The following AGAP1 variants were observed in gnomAD, a reference collection of about 807,000 sequenced individuals.
AGAP1 encodes arf-GAP with GTPase, ANK repeat and PH domain-containing protein 1.
In AGAP1, 29 loss-of-function variants were observed where a neutral mutation model predicts 105.3. The ratio of observed to expected loss-of-function variants is 0.28; its 90% CI spans 0.21 to 0.38. AGAP1 has a LOEUF of 0.38. Ranked by LOEUF, AGAP1 falls within the 10% of genes least tolerant of loss-of-function variation. The probability of loss-of-function intolerance (pLI) is 1.00; values close to 1 mark genes in which losing one functional copy is unlikely to be tolerated. For missense variants in AGAP1, 998 were observed against 1,165.1 expected, an observed-to-expected ratio of 0.86 and a Z score of 2.09; for synonymous variants, 509 against 485.9, an observed-to-expected ratio of 1.05 and a Z score of -0.63.
At chr2:235,579,481 A>G (rs539891241) in intron 1 of AGAP1, among the ~76,000 whole-genome samples, 2 of 152,304 alleles carry the variant, frequency 1.3e-5, no homozygotes, top group East Asian at 3.9e-4. Flanking sequence ...TAAGCATTTA[A>G]AAGTGAACAC....
chr2:235,815,002 C>G (rs969054226), intron 9 of AGAP1, among the ~76,000 whole-genome samples: 1 of 152,162 alleles, frequency 6.6e-6, no homozygotes, highest in African/African-American at 2.4e-5. Flanking sequence ...GATGGGGGTT[C>G]TGATGTACCA....
In AGAP1 at chr2:236,000,462, G is replaced by C. The variant is rs540817956; in HGVS notation, c.1645+31839G>C. Among the ~76,000 whole-genome samples, 1 of 152,260 alleles carries C rather than the reference G, an allele frequency of 6.6e-6. No homozygotes were observed. The highest frequency in any genetic ancestry group is 2.1e-4 in the South Asian group (1 of 4,830). On this transcript the variant is annotated intron_variant, in intron 13 of 17. Coordinates refer to ENST00000304032, the MANE Select transcript of AGAP1 (RefSeq NM_001037131.3). This position sits in a 1 kb window ranked among gnomAD's most constrained non-coding sequence, Gnocchi z 4.3. ...AATAAACAGTTGTTCAGAGACAGTG[G>C]TACTGCGTCCCCCTCCTCCAGTCCA...
chr2:235,795,144 A>G (rs540773732), intron 6 of AGAP1, among the ~76,000 whole-genome samples: 1 of 152,244 alleles, frequency 6.6e-6, no homozygotes, highest in East Asian at 1.9e-4. Context: ...TCCTCCACTC[A>G]CATAGACACA....
At chr2:236,122,362 G>T (rs2059920329) in intron 17 of AGAP1, among the ~76,000 whole-genome samples, 1 of 152,076 alleles carries the variant, frequency 6.6e-6, no homozygotes, top group Non-Finnish European at 1.5e-5. Context: ...CTGGGTGTCA[G>T]GACTTAAACA....
In AGAP1 at chr2:235,720,187, G is replaced by A. The variant is rs1951309764; in HGVS notation, c.310+2543G>A. 6.6e-6 allele frequency among the ~76,000 whole-genome samples: 1 copy of A among 152,206 alleles called. No homozygotes were observed. Among genetic ancestry groups the A allele is most frequent in the African/African-American group, 2.4e-5 (1 of 41,448 alleles). On this transcript the variant is annotated intron_variant, in intron 3 of 17. Coordinates refer to ENST00000304032, the MANE Select transcript of AGAP1 (RefSeq NM_001037131.3). The surrounding 1 kb of genome is among the most constrained non-coding windows in gnomAD (Gnocchi z 5.0). ...TTTCATACCACGGTCTTGCCATCCT[G>A]AAATTCCCTCTCATGCTCAGGGAGC... is the stretch of plus-strand genomic sequence containing the variant.
intron 9 of AGAP1, chr2:235,852,904 G>T (rs2048536331): frequency 7.5e-7 from 1 of 1,326,250 alleles, no homozygotes; most frequent in Non-Finnish European, 9.7e-7. Context: ...TAGCTTGCAG[G>T]CCGCTGCTGT....
chr2:235,550,685 G>C lies in AGAP1; in HGVS notation c.163+55836G>C, dbSNP rs995043022. Among the ~76,000 whole-genome samples the C allele has an allele frequency of 6.6e-5, 10 of 152,330 alleles. No homozygotes were observed. The highest frequency in any genetic ancestry group is 8.8e-5 in the Non-Finnish European group (6 of 68,032). On this transcript the variant is annotated intron_variant, in intron 1 of 17. Coordinates refer to ENST00000304032, the MANE Select transcript of AGAP1 (RefSeq NM_001037131.3). The surrounding 1 kb of genome is among the most constrained non-coding windows in gnomAD (Gnocchi z 4.6). ...CCACACCTGAGGCGTGGGGATCTCC[G>C]GGCATGATGCGGAATGTAGTGACGA...
intron 13 of AGAP1, among the ~76,000 whole-genome samples, chr2:235,991,824 A>G (rs1277395077): frequency 6.6e-6 from 1 of 152,176 alleles, no homozygotes; most frequent in Admixed American, 6.5e-5. Flanking sequence ...ATTTCTTCTC[A>G]TTGCTCCGAC....
chr2:235,506,888 GT>G (rs1941841592), intron 1 of AGAP1: 1 of 152,572 alleles, frequency 6.6e-6, no homozygotes, highest in Non-Finnish European at 1.5e-5. Context: ...TGCCCACAGG[GT>G]ATGGGCAAGG....
intron 1 of AGAP1, among the ~76,000 whole-genome samples, chr2:235,565,421 C>A (rs1944317364): frequency 6.6e-6 from 1 of 152,216 alleles, no homozygotes; most frequent in Admixed American, 6.5e-5. Context: ...ACAAGTTCAT[C>A]TTAGGGTTCT....
chr2:235,686,410 A>G (rs1422491823), intron 1 of AGAP1, among the ~76,000 whole-genome samples: 3 of 151,780 alleles, frequency 2.0e-5, no homozygotes, highest in Non-Finnish European at 2.9e-5. Flanking sequence ...GTCTCCCAGA[A>G]TAAAAACTCT....
intron 9 of AGAP1, among the ~76,000 whole-genome samples, chr2:235,808,987 TAA>T (rs1462567514): frequency 2.0e-5 from 3 of 152,230 alleles, no homozygotes; most frequent in Admixed American, 1.3e-4. Flanking sequence ...ACTGGAATTA[TAA>T]AAATCAGTTA....
At chr2:235,494,971 A>G (rs1941247941) in intron 1 of AGAP1, 122 bp downstream of exon 1, 2 of 949,602 alleles carry the variant, frequency 2.1e-6, no homozygotes, top group Non-Finnish European at 2.9e-6. Context: ...TGCTCCGCCG[A>G]GGGAGCACTG....
chr2:236,120,067 G>A lies in AGAP1; in HGVS notation c.2115-125G>A. ...TTTCCCCCAGGGGGCTTTGTGCCGA[G>A]TGAAGACCTTTGCTTTCTGTTATTT... On this transcript the variant is annotated intron_variant, in intron 16 of 17. Transcript: ENST00000304032. This position sits in a 1 kb window ranked among gnomAD's most constrained non-coding sequence, Gnocchi z 6.0. 7.3e-7 allele frequency: 1 copy of A among 1,378,102 alleles called. No individual in the cohort carries two copies. The highest frequency in any genetic ancestry group is 9.9e-7 in the Non-Finnish European group (1 of 1,013,526). 85.4% of individuals were successfully genotyped at this position (1,378,102 alleles called of 1,614,324 possible). A position where few individuals can be genotyped will look rare whatever the true frequency, so the allele number is the denominator to read the frequency against.
At chr2:235,945,720 A>T (rs1269619683) in intron 12 of AGAP1, among the ~76,000 whole-genome samples, 1 of 152,100 alleles carries the variant, frequency 6.6e-6, no homozygotes, top group Non-Finnish European at 1.5e-5. Context: ...TGCTATAAAT[A>T]AACACCTGAG....
rs909532764 is a variant in AGAP1 at position 236,035,452 on chromosome 2, C to T, written c.1646-1109C>T. On this transcript the variant is annotated intron_variant, in intron 13 of 17. Coordinates refer to ENST00000304032, the MANE Select transcript of AGAP1 (RefSeq NM_001037131.3). This position sits in a 1 kb window ranked among gnomAD's most constrained non-coding sequence, Gnocchi z 4.2. ...AGTTTGAGACCAGCCTAGGGAGACA[C>T]CATCTCTACAAAAAATGTCTAACAA... Among the ~76,000 whole-genome samples the T allele has an allele frequency of 1.3e-5, 2 of 152,052 alleles. No individual in the cohort carries two copies. Among genetic ancestry groups the T allele is most frequent in the African/African-American group, 4.8e-5 (2 of 41,390 alleles).
intron 1 of AGAP1, among the ~76,000 whole-genome samples, chr2:235,648,350 C>G (rs1330252825): frequency 6.6e-6 from 1 of 152,136 alleles, no homozygotes; most frequent in East Asian, 1.9e-4. Flanking sequence ...TGGGCTAGCT[C>G]CAGTGTTGCA....
chr2:235,580,161 G>T (rs1277382671), intron 1 of AGAP1, among the ~76,000 whole-genome samples: 1 of 152,148 alleles, frequency 6.6e-6, no homozygotes, highest in Non-Finnish European at 1.5e-5. Flanking sequence ...GTTGATGGGC[G>T]TTTGTGTCCA....
At chr2:235,940,770 G>T (rs949973483) in intron 12 of AGAP1, among the ~76,000 whole-genome samples, 3 of 152,182 alleles carry the variant, frequency 2.0e-5, no homozygotes, top group African/African-American at 7.2e-5. Flanking sequence ...GTTTGCTTAT[G>T]TGTCTTCTGC....
Sources: gnomAD v4.1 joint callset for allele counts (sites outside exome capture counted in the v4.1 genomes callset) on GRCh38, gnomAD v4.1.1 for gene constraint, Gnocchi (gnomAD v3.1) non-coding constraint, MANE v1.5 for transcripts, NCBI Gene and HGNC (gene_info 2026-07-23, HGNC 2026-07-21) for gene names.